The following FSTL5 variants were observed in gnomAD, a reference collection of about 807,000 sequenced individuals.
FSTL5 encodes the protein follistatin-related protein 5.
FSTL5 carries 62 observed loss-of-function variants against 89.1 expected under a neutral mutation model. The observed-to-expected ratio is 0.70, with a 90% confidence interval of 0.57 to 0.86. FSTL5 has a LOEUF of 0.86. Ranked by LOEUF, FSTL5 falls within the 40% of genes least tolerant of loss-of-function variation. The probability of loss-of-function intolerance (pLI) is 0.00; values close to 1 mark genes in which losing one functional copy is unlikely to be tolerated. For synonymous variants in FSTL5, 383 were observed against 346.2 expected (o/e 1.11, Z -1.18); for missense variants, 1,057 against 1,001.6 (o/e 1.06, Z -0.75).
At chr4:162,100,203 T>G (rs1730938092) in intron 2 of FSTL5, among the ~76,000 whole-genome samples, 2 of 152,180 alleles carry the variant, frequency 1.3e-5, no homozygotes, top group East Asian at 3.9e-4. Flanking sequence ...AAACAAACTG[T>G]GGTACATTCA....
At chr4:161,759,564 T>C in intron 5 of FSTL5, 33 bp from the exon 6 acceptor site, 1 of 1,334,038 alleles carries the variant, frequency 7.5e-7, no homozygotes, top group Non-Finnish European at 1.0e-6. Flanking sequence ...TACCTTTAGA[T>C]TTGTGTCTTA....
At chr4:161,573,726 T>C (rs11100374) in intron 8 of FSTL5, among the ~76,000 whole-genome samples, 47,458 of 82,656 alleles carry the variant, frequency 0.57, 9,898 homozygotes, top group Middle Eastern at 0.63. Flanking sequence ...AGAGAGAAAC[T>C]CCAGCTCAAA....
intron 13 of FSTL5, among the ~76,000 whole-genome samples, chr4:161,480,339 G>T (rs775969535): frequency 6.6e-6 from 1 of 152,116 alleles, no homozygotes; most frequent in Non-Finnish European, 1.5e-5. Context: ...AGAAGCAAAA[G>T]ATGAAAAAAA....
At chr4:161,550,154 G>C (rs915234992) in intron 8 of FSTL5, among the ~76,000 whole-genome samples, 1 of 151,868 alleles carries the variant, frequency 6.6e-6, no homozygotes, top group Non-Finnish European at 1.5e-5. Context: ...AGTTGGGACT[G>C]TATCCTGTAC....
chr4:161,769,007 A>G lies in FSTL5; in HGVS notation c.606+6871T>C, dbSNP rs185722473. Reference sequence around the variant, plus strand: ...ATAAAAATCAGAGATGAAAAACTAGACATTAAAACTGATACTACAGAAATT... The same window carrying G: ...ATAAAAATCAGAGATGAAAAACTAGGCATTAAAACTGATACTACAGAAATT... On this transcript the variant is annotated intron_variant, in intron 5 of 15. Transcript: ENST00000306100. Among the ~76,000 whole-genome samples, 394 of 152,030 alleles carry G rather than the reference A, an allele frequency of 2.6e-3. 1 individual carries two copies. The highest frequency in any genetic ancestry group is 9.2e-3 in the African/African-American group (384 of 41,552).
At chr4:161,870,260 T>C (rs1732220338) in intron 4 of FSTL5, among the ~76,000 whole-genome samples, 1 of 152,196 alleles carries the variant, frequency 6.6e-6, no homozygotes, top group Admixed American at 6.5e-5. Flanking sequence ...TGCTTTGCTT[T>C]TGTGTCTGTC....
chr4:161,514,360 TA>T (rs1306397457), intron 10 of FSTL5, among the ~76,000 whole-genome samples: 1 of 152,014 alleles, frequency 6.6e-6, no homozygotes, highest in Admixed American at 6.6e-5. Flanking sequence ...CTAAATGAAA[TA>T]ACCCAGAAAC....
At chr4:161,999,695 T>A (rs1401629044) in intron 3 of FSTL5, among the ~76,000 whole-genome samples, 2 of 152,214 alleles carry the variant, frequency 1.3e-5, no homozygotes, top group Non-Finnish European at 2.9e-5. Context: ...GCCAATAAAT[T>A]TCATTTATAC....
At chr4:161,698,714 T>C (rs1030354201) in intron 6 of FSTL5, among the ~76,000 whole-genome samples, 1 of 152,094 alleles carries the variant, frequency 6.6e-6, no homozygotes, top group Admixed American at 6.6e-5. Context: ...GATCACCTAA[T>C]GTCAGGAATT....
At chr4:161,753,509 C>T (rs1015163574) in intron 6 of FSTL5, among the ~76,000 whole-genome samples, 2 of 152,170 alleles carry the variant, frequency 1.3e-5, no homozygotes, top group African/African-American at 4.8e-5. Flanking sequence ...CCCGTCATCA[C>T]TTTTAGCCTA....
intron 6 of FSTL5, among the ~76,000 whole-genome samples, chr4:161,747,626 C>A (rs1039022961): frequency 6.6e-6 from 1 of 152,138 alleles, no homozygotes; most frequent in East Asian, 1.9e-4. Context: ...ATGGTGGGGG[C>A]AACAACTAGG....
At chr4:161,538,048 A>G in intron 10 of FSTL5, 118 bp downstream of exon 10, 1 of 852,982 alleles carries the variant, frequency 1.2e-6, no homozygotes, top group Non-Finnish European at 1.8e-6. Flanking sequence ...TATAAAATCT[A>G]TTTGTTATAA....
At chr4:162,029,575 G>C (rs1311524818) in intron 3 of FSTL5, among the ~76,000 whole-genome samples, 1 of 152,082 alleles carries the variant, frequency 6.6e-6, no homozygotes, top group Non-Finnish European at 1.5e-5. Context: ...ACTTCTCAAA[G>C]ATAAGTAATT....
At chr4:161,408,429 A>G (rs1432515937) in intron 15 of FSTL5, among the ~76,000 whole-genome samples, 1 of 152,178 alleles carries the variant, frequency 6.6e-6, no homozygotes, top group Non-Finnish European at 1.5e-5. Context: ...TCAAAAGATG[A>G]TACTCAATTT....
At chr4:161,955,276 C>A (rs1000918875) in intron 3 of FSTL5, among the ~76,000 whole-genome samples, 1 of 151,412 alleles carries the variant, frequency 6.6e-6, no homozygotes, top group African/African-American at 2.4e-5. Flanking sequence ...GATTATGTAC[C>A]TAAACACAGA....
At chr4:161,551,742 T>A (rs1228054840) in intron 8 of FSTL5, among the ~76,000 whole-genome samples, 7 of 151,980 alleles carry the variant, frequency 4.6e-5, no homozygotes, top group Non-Finnish European at 8.8e-5. Context: ...GGGAAACGAT[T>A]CCCTATTTAA....
chr4:162,034,648 T>C (rs1737662975), intron 2 of FSTL5, among the ~76,000 whole-genome samples: 1 of 152,068 alleles, frequency 6.6e-6, no homozygotes, highest in Admixed American at 6.6e-5. Flanking sequence ...AGTTTCAGGG[T>C]CTCACACTGA....
At chr4:161,399,568 T>C (rs146491400) in intron 15 of FSTL5, among the ~76,000 whole-genome samples, 3 of 152,042 alleles carry the variant, frequency 2.0e-5, no homozygotes, top group East Asian at 3.9e-4. Context: ...ACTTTTTTTT[T>C]CATATTATGA....
chr4:161,840,751 G>A (rs1731184499), intron 4 of FSTL5, among the ~76,000 whole-genome samples: 1 of 152,138 alleles, frequency 6.6e-6, no homozygotes, highest in African/African-American at 2.4e-5. Flanking sequence ...CTGGGCAATT[G>A]ATGTGTTTAT....
Sources: gnomAD v4.1 joint callset for allele counts (sites outside exome capture counted in the v4.1 genomes callset) on GRCh38, gnomAD v4.1.1 for gene constraint, MANE v1.5 for transcripts, NCBI Gene and HGNC (gene_info 2026-07-23, HGNC 2026-07-21) for gene names.